HMCN1: variants seen among roughly 807,000 people sequenced by gnomAD.
The protein encoded by HMCN1 is hemicentin 1, also known as hemicentin-1.
A neutral mutation model predicts 625.9 loss-of-function variants in HMCN1; 321 were observed. That is an observed-to-expected ratio of 0.51 (90% CI 0.47 to 0.56). The LOEUF (loss-of-function observed/expected upper bound fraction) is 0.56. HMCN1 is among the 20% of genes least tolerant of loss of function. HMCN1 has a pLI of 0.00. For missense variants in HMCN1, 6,588 were observed against 6,887.3 expected (o/e 0.96, Z 1.54); for synonymous variants, 2,425 against 2,417.6 (o/e 1.00, Z -0.09).
At chr1:185,865,025 A>G (rs554483713) in intron 3 of HMCN1, among the ~76,000 whole-genome samples, 3 of 152,334 alleles carry the variant, frequency 2.0e-5, no homozygotes, top group East Asian at 3.9e-4. Context: ...CAAACACTCA[A>G]TGGTCTAAAA....
At position 186,086,404 on chromosome 1, in the gene HMCN1, C is replaced by T. The variant is rs1309696018; in HGVS notation, c.9043C>T (p.Pro3015Ser). The T allele has an allele frequency of 8.1e-6, 13 of 1,612,906 alleles. No homozygotes were observed. The highest frequency in any genetic ancestry group is 3.3e-5 in the Admixed American group (2 of 59,854). Residue 3015 changes from proline (P) to serine (S), a missense_variant, in exon 58 of 107, where the codon CCT becomes TCT. Pro to Ser is a moderately conservative substitution (Grantham distance 74, BLOSUM62 -1). Around this residue, in one of 3 missense-constraint regions of HMCN1, gnomAD observed 4,628 missense variants for 4,853.1 expected, o/e 0.95. Coordinates refer to ENST00000271588, the MANE Select transcript of HMCN1 (RefSeq NM_031935.3). ...ACTGAACACAAATACTCTCATTGTGCCTGGTAAGGAACTTCTTATTATAAA... is the reference window on the plus strand; with the variant it reads ...ACTGAACACAAATACTCTCATTGTGTCTGGTAAGGAACTTCTTATTATAAA... ...IKLNTNTLIV[P>S]GGRTLQIIRA...
intron 4 of HMCN1, among the ~76,000 whole-genome samples, chr1:185,877,395 A>ATGTG (rs1182518285): frequency 1.6e-5 from 2 of 126,514 alleles, no homozygotes; most frequent in African/African-American, 2.9e-5. Context: ...AAGTCAGGTA[A>ATGTG]TGTGATGCCT....
Position 186,057,452 on chromosome 1 carries a change from A to G in HMCN1, c.7312+51A>G, listed in dbSNP as rs369825107. The G allele has an allele frequency of 2.2e-5, 28 of 1,245,270 alleles. No individual in the cohort carries two copies. In the South Asian group the frequency reaches 2.3e-4, roughly 10 times the overall value. The allele number at this position is 1,245,270 out of a possible 1,614,324, so 77.1% of individuals were successfully genotyped here. The stretch of plus-strand genomic sequence containing the variant: ...AATCTTGTTAGCTTCATACGGCTAC[A>G]ATTTCTCCTTAATTTCAAATTGCTC... On this transcript the variant is annotated intron_variant, in intron 46 of 106. Transcript: ENST00000271588.
At position 185,858,295 on chromosome 1, in the gene HMCN1, C is replaced by T. The variant is rs185362732; in HGVS notation, c.340-6175C>T. Reference sequence around the variant, plus strand: ...GTACTGATTAAATCAAGAAGACCTTCTATAGATTTAAGTTCTTCAGTTGTA... The same window carrying T: ...GTACTGATTAAATCAAGAAGACCTTTTATAGATTTAAGTTCTTCAGTTGTA... On this transcript the variant is annotated intron_variant, in intron 2 of 106. Transcript: ENST00000271588. Among the ~76,000 whole-genome samples, 186 of 152,130 alleles carry T rather than the reference C, an allele frequency of 1.2e-3. 1 individual carries two copies. Among genetic ancestry groups the T allele is most frequent in the African/African-American group, 1.6e-3 (66 of 41,492 alleles).
At chr1:186,154,017 T>C (rs779950473) in intron 97 of HMCN1, 30 bp downstream of exon 97, 3 of 1,559,106 alleles carry the variant, frequency 1.9e-6, no homozygotes, top group Admixed American at 1.7e-5. Flanking sequence ...TCCATATCTT[T>C]ATGCCATCCA....
In HMCN1 at chr1:185,772,826, G is replaced by C. The variant is rs564223577; in HGVS notation, c.268+37779G>C. 7.2e-5 allele frequency among the ~76,000 whole-genome samples: 11 copies of C among 152,202 alleles called. No individual in the cohort carries two copies. The East Asian group carries it at 2.1e-3, about 29-fold the overall frequency. On this transcript the variant is annotated intron_variant, in intron 1 of 106. Coordinates refer to ENST00000271588, the MANE Select transcript of HMCN1 (RefSeq NM_031935.3). ...AAGGTGTTGGCATCTGGTTGGTAAG[G>C]GTCTTTCTTCTGTTTTCTCACATGG...
chr1:185,770,738 T>C (rs1256144143), intron 1 of HMCN1, among the ~76,000 whole-genome samples: 1 of 152,230 alleles, frequency 6.6e-6, no homozygotes, highest in African/African-American at 2.4e-5. Flanking sequence ...ATTACTAATA[T>C]TCACTTGCTT....
At chr1:186,127,012 A>G (rs1034163080) in intron 82 of HMCN1, among the ~76,000 whole-genome samples, 6 of 151,998 alleles carry the variant, frequency 3.9e-5, no homozygotes, top group African/African-American at 9.7e-5. Flanking sequence ...ACAAGAAGTA[A>G]GACTCTGCAT....
chr1:185,822,201 A>G (rs1448750810), intron 1 of HMCN1, among the ~76,000 whole-genome samples: 3 of 152,254 alleles, frequency 2.0e-5, no homozygotes, highest in East Asian at 3.9e-4. Context: ...AAGGAAAACA[A>G]TAGACTAGTT....
chr1:186,169,620 C>G (rs1246310549), intron 100 of HMCN1, among the ~76,000 whole-genome samples: 2 of 152,162 alleles, frequency 1.3e-5, no homozygotes, highest in African/African-American at 4.8e-5. Context: ...AGAAAACTGG[C>G]TAGCCATATG....
chr1:186,160,050 C>A (rs554468460), intron 97 of HMCN1, among the ~76,000 whole-genome samples: 1 of 151,096 alleles, frequency 6.6e-6, no homozygotes, highest in South Asian at 2.1e-4. Context: ...CCATCTGGTC[C>A]TGGACTCTTT....
chr1:186,036,016 T>A (rs2102216731), intron 36 of HMCN1, among the ~76,000 whole-genome samples: 1 of 152,212 alleles, frequency 6.6e-6, no homozygotes, highest in East Asian at 1.9e-4. Context: ...AATTTTTGCT[T>A]TGTTATTCAA....
rs958444972 is a variant in HMCN1 at position 186,119,289 on chromosome 1, C to T, written c.11947C>T (p.His3983Tyr). ...CTCTGCACATCGACACGTGACCCTT[C>T]ATGTTCATGGTATGGAAGGCTATTT... ...AGSAHRHVTL[H>Y]VHEPPVIQPQ... Residue 3983 changes from histidine (H) to tyrosine (Y), a missense_variant, in exon 78 of 107, where the codon CAT (histidine) becomes TAT (tyrosine). By Grantham distance (83) the His-to-Tyr change is moderately conservative (BLOSUM62 2). Coordinates refer to ENST00000271588, the MANE Select transcript of HMCN1 (RefSeq NM_031935.3). 1 of 1,612,406 alleles carries T rather than the reference C, an allele frequency of 6.2e-7. No homozygotes were observed. Among genetic ancestry groups the T allele is most frequent in the Non-Finnish European group, 8.5e-7 (1 of 1,178,470 alleles).
At chr1:185,775,968 A>G (rs980423530) in intron 1 of HMCN1, among the ~76,000 whole-genome samples, 7 of 152,206 alleles carry the variant, frequency 4.6e-5, no homozygotes, top group African/African-American at 1.4e-4. Context: ...TGTATAGAAA[A>G]GTGCTGTCTC....
At chr1:185,810,573 G>A (rs1659448074) in intron 1 of HMCN1, among the ~76,000 whole-genome samples, 1 of 151,900 alleles carries the variant, frequency 6.6e-6, no homozygotes, top group Admixed American at 6.6e-5. Flanking sequence ...GTAGTAAAAT[G>A]GACTCGATTT....
intron 1 of HMCN1, among the ~76,000 whole-genome samples, chr1:185,836,674 C>G (rs1240287668): frequency 1.3e-5 from 2 of 151,986 alleles, no homozygotes; most frequent in South Asian, 4.1e-4. Flanking sequence ...GGTACATGTG[C>G]AGGTTTGTTT....
rs572325975 is a variant in HMCN1, at chr1:186,160,054, A to C, written c.15257-5057A>C. ...CGGCTGTGAATCCATCTGGTCCTGG[A>C]CTCTTTTTGGTTGGTAAGCTATTGA... is the stretch of plus-strand genomic sequence containing the variant. On this transcript the variant is annotated intron_variant, in intron 97 of 106. Transcript: ENST00000271588. 2.8e-4 allele frequency among the ~76,000 whole-genome samples: 42 copies of C among 149,224 alleles called. 1 individual carries two copies. The East Asian group carries it at 4.7e-3, about 17-fold the overall frequency.
rs1652219894 is a variant in HMCN1, at chr1:186,171,349, G to A, written c.15587G>A (p.Cys5196Tyr). 21 of 1,612,790 alleles carry A rather than the reference G, an allele frequency of 1.3e-5. No homozygotes were observed. The highest frequency in any genetic ancestry group is 1.8e-5 in the Non-Finnish European group (21 of 1,178,940). The change falls in exon 101 of 107, where the codon TGT becomes TAT. Residue 5196 changes from cysteine to tyrosine, a missense_variant. Cys to Tyr is a radical substitution (Grantham distance 194). Transcript: ENST00000271588. ...TTTTATTTAACAGATATTAATGAAT[G>A]TCAAGAATCCAGCCCCTGTCACCAG... The part of the protein sequence containing the change: ...DGLSCQDINE[C>Y]QESSPCHQRC...
Position 185,925,032 on chromosome 1 carries a change from T to C in HMCN1, c.1286-15T>C. On this transcript the variant is annotated splice_polypyrimidine_tract_variant and intron_variant, in intron 8 of 106. Coordinates refer to ENST00000271588, the MANE Select transcript of HMCN1 (RefSeq NM_031935.3). The stretch of plus-strand genomic sequence containing the variant: ...TGCTTAAGTTTTTTGTTTTTGTTTT[T>C]GTTTTTTTTCCTAGATGCTCCCAAA... The C allele has an allele frequency of 6.3e-7, 1 of 1,589,080 alleles. No individual in the cohort carries two copies. Among genetic ancestry groups the C allele is most frequent in the Non-Finnish European group, 8.6e-7 (1 of 1,166,076 alleles).
Sources: gnomAD v4.1 joint callset for allele counts (sites outside exome capture counted in the v4.1 genomes callset) on GRCh38, gnomAD v4.1.1 for gene constraint, gnomAD v4.1.1 regional missense constraint, MANE v1.5 for transcripts, NCBI Gene and HGNC (gene_info 2026-07-23, HGNC 2026-07-21) for gene names.